The following TRPC3 variants were observed in gnomAD, a reference collection of about 807,000 sequenced individuals.
TRPC3 encodes short transient receptor potential channel 3.
A neutral mutation model predicts 90.9 loss-of-function variants in TRPC3; 54 were observed. The ratio of observed to expected loss-of-function variants is 0.59; its 90% CI spans 0.48 to 0.75. TRPC3 has a LOEUF of 0.75. TRPC3 is among the 30% of genes least tolerant of loss of function. TRPC3 has a pLI of 0.00. For missense variants in TRPC3, 918 were observed against 1,194.5 expected, an observed-to-expected ratio of 0.77 and a Z score of 3.41; for synonymous variants, 424 against 450.9, an observed-to-expected ratio of 0.94 and a Z score of 0.75.
intron 9 of TRPC3, among the ~76,000 whole-genome samples, chr4:121,900,217 CT>C (rs1393760257): frequency 2.0e-5 from 3 of 152,274 alleles, no homozygotes; most frequent in African/African-American, 7.2e-5. Flanking sequence ...GAGAATTGGG[CT>C]AAAGAATTTT....
rs1227649713 is a variant in TRPC3, at chr4:121,903,072, A to C, written c.2254-11T>G. 2 of 1,579,314 alleles carry C rather than the reference A, an allele frequency of 1.3e-6. No individual in the cohort carries two copies. The highest frequency in any genetic ancestry group is 4.5e-5 in the East Asian group (2 of 44,432). The stretch of plus-strand genomic sequence containing the variant: ...TACATCACTGTCATCCTGTGTCACA[A>C]AAATAGAAAAAAAAACTAATTTTAA... On this transcript the variant is annotated splice_polypyrimidine_tract_variant and intron_variant, in intron 8 of 11. Transcript: ENST00000379645.
intron 2 of TRPC3, among the ~76,000 whole-genome samples, chr4:121,926,608 T>C (rs1729723598): frequency 6.6e-6 from 1 of 152,104 alleles, no homozygotes; most frequent in Non-Finnish European, 1.5e-5. Flanking sequence ...GGTTTCACCA[T>C]ATTGGCCAGA....
At chr4:121,940,114 T>C (rs954574585) in intron 1 of TRPC3, among the ~76,000 whole-genome samples, 1 of 151,974 alleles carries the variant, frequency 6.6e-6, no homozygotes, top group African/African-American at 2.4e-5. Context: ...CTTTAGAAGA[T>C]TGGGGGACAA....
intron 3 of TRPC3, among the ~76,000 whole-genome samples, chr4:121,922,917 T>C (rs1013765231): frequency 2.0e-5 from 3 of 152,246 alleles, no homozygotes; most frequent in Non-Finnish European, 4.4e-5. Context: ...TTTATTTCAA[T>C]CTTTACTGAG....
intron 10 of TRPC3, among the ~76,000 whole-genome samples, chr4:121,886,014 G>C (rs1308868450): frequency 6.6e-6 from 1 of 152,134 alleles, no homozygotes; most frequent in African/African-American, 2.4e-5. Flanking sequence ...GTGGTAACCA[G>C]GTAAAGATTC....
At chr4:121,937,866 A>T (rs1463106210) in intron 1 of TRPC3, among the ~76,000 whole-genome samples, 1 of 152,118 alleles carries the variant, frequency 6.6e-6, no homozygotes, top group African/African-American at 2.4e-5. Context: ...TCTCACACAG[A>T]TTTAAAACCA....
chr4:121,907,639 T>G lies in TRPC3; in HGVS notation c.1793-72A>C, dbSNP rs951974. On this transcript the variant is annotated intron_variant, in intron 6 of 11. Transcript: ENST00000379645. Reference sequence around the variant, plus strand: ...TGCCAACTACGCAAAGCAAATACCTTAAATAGGATCTATCTTGTAGGTAGG... The same window carrying G: ...TGCCAACTACGCAAAGCAAATACCTGAAATAGGATCTATCTTGTAGGTAGG... 501,388 of 1,485,188 alleles carry G rather than the reference T, an allele frequency of 0.34. 88,769 individuals carry two copies. Among genetic ancestry groups the G allele is most frequent in the East Asian group, 0.48 (21,229 of 43,956 alleles). 92.0% of individuals were successfully genotyped at this position (1,485,188 alleles called of 1,614,324 possible). A position where few individuals can be genotyped will look rare whatever the true frequency, so the allele number is the denominator to read the frequency against.
intron 3 of TRPC3, among the ~76,000 whole-genome samples, chr4:121,920,073 C>T (rs752871975): frequency 6.6e-6 from 1 of 152,086 alleles, no homozygotes; most frequent in Admixed American, 6.5e-5. Context: ...GTGTTTTTGC[C>T]TAAAATTTAA....
At chr4:121,912,455 T>C (rs1172671365) in intron 4 of TRPC3, among the ~76,000 whole-genome samples, 4 of 152,170 alleles carry the variant, frequency 2.6e-5, no homozygotes, top group African/African-American at 4.8e-5. Flanking sequence ...AACTTTGTAT[T>C]GTGTAATTCT....
At chr4:121,913,657 T>C (rs2149127116) in intron 4 of TRPC3, among the ~76,000 whole-genome samples, 1 of 145,116 alleles carries the variant, frequency 6.9e-6, no homozygotes, top group South Asian at 2.2e-4. Context: ...ATTTTTTTTA[T>C]TGCATGCTCT....
chr4:121,915,005 A>T (rs1729260484), intron 3 of TRPC3, 61 bp from the exon 4 acceptor site: 1 of 1,426,612 alleles, frequency 7.0e-7, no homozygotes, highest in Non-Finnish European at 9.6e-7. Context: ...ACCATTGTCA[A>T]TAGCTCAACT....
In TRPC3 at chr4:121,875,902, T is replaced by C. The variant is rs1166907554; in HGVS notation, c.*3834A>G. Among the ~76,000 whole-genome samples, 1 of 141,436 alleles carries C rather than the reference T, an allele frequency of 7.1e-6. No homozygotes were observed. The highest frequency in any genetic ancestry group is 1.5e-5 in the Non-Finnish European group (1 of 64,964). The allele number at this position is 141,436 out of a possible 152,430, so 92.8% of individuals were successfully genotyped here. A position where few individuals can be genotyped will look rare whatever the true frequency, so the allele number is the denominator to read the frequency against. On this transcript the variant is annotated 3_prime_UTR_variant, in exon 12 of 12. Transcript: ENST00000379645. ...TACCCATTTTAGATTTTTTTTTTTTTTTTTTTTTTTTTTTGTGGGGGGTGG... is the reference window on the plus strand; with the variant it reads ...TACCCATTTTAGATTTTTTTTTTTTCTTTTTTTTTTTTTTGTGGGGGGTGG...
chr4:121,919,330 T>C (rs563694908), intron 3 of TRPC3, among the ~76,000 whole-genome samples: 36 of 152,232 alleles, frequency 2.4e-4, no homozygotes, highest in Non-Finnish European at 5.1e-4. Flanking sequence ...ACTCTGGATT[T>C]GTTTTTAATG....
intron 8 of TRPC3, 56 bp from the exon 9 acceptor site, chr4:121,903,117 CT>C: frequency 6.8e-7 from 1 of 1,480,338 alleles, no homozygotes; most frequent in South Asian, 1.3e-5. Context: ...ATTCTAGTGA[CT>C]GTTGCTAATA....
rs1032303046 is a variant in TRPC3, at chr4:121,875,062, G to A, written c.*4674C>T. Among the ~76,000 whole-genome samples the A allele has an allele frequency of 1.5e-4, 23 of 151,806 alleles. No individual in the cohort carries two copies. Among genetic ancestry groups the A allele is most frequent in the African/African-American group, 5.6e-4 (23 of 41,320 alleles). ...ATGAAAACAAAAATATAGGAGAAAAGAGTTAATATCTTAAAAAATAGTTCA... is the reference window on the plus strand; with the variant it reads ...ATGAAAACAAAAATATAGGAGAAAAAAGTTAATATCTTAAAAAATAGTTCA... On this transcript the variant is annotated 3_prime_UTR_variant, in exon 12 of 12. Transcript: ENST00000379645.
chr4:121,948,295 T>C (rs905118124), intron 1 of TRPC3, among the ~76,000 whole-genome samples: 1 of 152,036 alleles, frequency 6.6e-6, no homozygotes, highest in Admixed American at 6.6e-5. Flanking sequence ...CACTAAATTG[T>C]CTCTGATCCT....
rs199566645 is a variant in TRPC3 at position 121,910,317 on chromosome 4, A to G, written c.1629T>C (p.Asn543=). 11 of 1,613,756 alleles carry G rather than the reference A, an allele frequency of 6.8e-6. No homozygotes were observed. The African/African-American group carries it at 9.3e-5, about 14-fold the overall frequency. The part of the protein sequence containing the change: ...GPREYILQLW[N]VLDFGMLSIF... ...TGGACAGCATCCCAAAGTCAAGCAC[A>G]TTCCACAACTGCAAAATGTATTCCC... The change falls in exon 6 of 12, where the codon AAT becomes AAC. Residue 543 remains asparagine, a synonymous_variant. Coordinates refer to ENST00000379645, the MANE Select transcript of TRPC3 (RefSeq NM_001130698.2).
rs906399085 is a variant in TRPC3, at chr4:121,878,079, A to C, written c.*1657T>G. Among the ~76,000 whole-genome samples, 1 of 152,250 alleles carries C rather than the reference A, an allele frequency of 6.6e-6. No homozygotes were observed. Among genetic ancestry groups the C allele is most frequent in the African/African-American group, 2.4e-5 (1 of 41,474 alleles). ...TTACTATCTTAACATATGGTAACATATAACAATGGAAAAATTCAATATTTT... is the reference window on the plus strand; with the variant it reads ...TTACTATCTTAACATATGGTAACATCTAACAATGGAAAAATTCAATATTTT... On this transcript the variant is annotated 3_prime_UTR_variant, in exon 12 of 12. Coordinates refer to ENST00000379645, the MANE Select transcript of TRPC3 (RefSeq NM_001130698.2).
chr4:121,942,824 G>C (rs1037229253), intron 1 of TRPC3, among the ~76,000 whole-genome samples: 1 of 152,160 alleles, frequency 6.6e-6, no homozygotes, highest in Non-Finnish European at 1.5e-5. Context: ...AAGTACACTG[G>C]AGCAGAAGTG....
Sources: gnomAD v4.1 joint callset for allele counts (sites outside exome capture counted in the v4.1 genomes callset) on GRCh38, gnomAD v4.1.1 for gene constraint, MANE v1.5 for transcripts, NCBI Gene and HGNC (gene_info 2026-07-23, HGNC 2026-07-21) for gene names.